The following MCTP2 variants were observed in gnomAD, a reference collection of about 807,000 sequenced individuals.
MCTP2 encodes the protein multiple C2 and transmembrane domain containing 2.
In MCTP2, 132 loss-of-function variants were observed where a neutral mutation model predicts 111.6. That is an observed-to-expected ratio of 1.18 (90% CI 1.03 to 1.37). The LOEUF (loss-of-function observed/expected upper bound fraction) is 1.37, where lower values mean the gene tolerates loss of function less well. Ranked by LOEUF, MCTP2 falls within the 40% of genes most tolerant of loss-of-function variation. MCTP2 has a pLI of 0.00. For missense variants in MCTP2, 1,183 were observed against 1,067.9 expected (o/e 1.11, Z -1.50); for synonymous variants, 395 against 387.7 (o/e 1.02, Z -0.22).
At chr15:94,369,957 G>A (rs1341307167) in intron 11 of MCTP2, 130 bp from the exon 12 acceptor site, 3 of 515,502 alleles carry the variant, frequency 5.8e-6, no homozygotes, top group Middle Eastern at 6.3e-4. Context: ...ATATATTTTT[G>A]GGGATTTTTT....
At position 94,356,075 on chromosome 15, in the gene MCTP2, C is replaced by G; in HGVS notation, c.1006-62C>G. 2.1e-6 allele frequency: 3 copies of G among 1,401,072 alleles called. No homozygotes were observed. The East Asian group carries it at 8.0e-5, about 38-fold the overall frequency. The allele number at this position is 1,401,072 out of a possible 1,614,324, so 86.8% of individuals were successfully genotyped here. ...TACTGAAAGTTGGAATTCCTATGATCATCAAAGTCACTCTCAGGAATTAGA... is the reference window on the plus strand; with the variant it reads ...TACTGAAAGTTGGAATTCCTATGATGATCAAAGTCACTCTCAGGAATTAGA... On this transcript the variant is annotated intron_variant, in intron 8 of 22. Transcript: ENST00000357742.
chr15:94,265,498 G>C (rs11074259), intron 1 of MCTP2, among the ~76,000 whole-genome samples: 30,269 of 151,974 alleles, frequency 0.2, 3,187 homozygotes, highest in Middle Eastern at 0.24. Context: ...CTTACTTGTA[G>C]ATTATATATA....
chr15:94,409,170 A>T (rs1248672419), intron 17 of MCTP2, among the ~76,000 whole-genome samples: 1 of 152,188 alleles, frequency 6.6e-6, no homozygotes, highest in Non-Finnish European at 1.5e-5. Context: ...ATCAGCTGCC[A>T]GTGCAACTAG....
chr15:94,386,885 A>G (rs537296670), intron 14 of MCTP2, among the ~76,000 whole-genome samples: 21 of 151,046 alleles, frequency 1.4e-4, no homozygotes, highest in African/African-American at 5.0e-4. Context: ...TGTACTACCA[A>G]CAACTGACTT....
chr15:94,273,034 C>G (rs1299819250), intron 1 of MCTP2, among the ~76,000 whole-genome samples: 2 of 152,192 alleles, frequency 1.3e-5, no homozygotes. Context: ...CAGGCTATCC[C>G]TTGAAAACCT....
chr15:94,372,252 G>A (rs987976272), intron 12 of MCTP2, among the ~76,000 whole-genome samples: 2 of 152,182 alleles, frequency 1.3e-5, no homozygotes, highest in Admixed American at 1.3e-4. Context: ...TTGCTATAGT[G>A]AATTGAGGAA....
intron 1 of MCTP2, among the ~76,000 whole-genome samples, chr15:94,235,539 TTAATAA>T (rs1391912522): frequency 6.6e-6 from 1 of 152,142 alleles, no homozygotes; most frequent in Non-Finnish European, 1.5e-5. Context: ...GGAACTGAAA[TTAATAA>T]TAATAGTAAT....
At chr15:94,391,948 T>G (rs1334422114) in intron 14 of MCTP2, among the ~76,000 whole-genome samples, 2 of 152,198 alleles carry the variant, frequency 1.3e-5, no homozygotes, top group Admixed American at 1.3e-4. Flanking sequence ...AATTGCTGCT[T>G]CTTTGAGACA....
intron 13 of MCTP2, 33 bp downstream of exon 13, chr15:94,384,157 T>C: frequency 6.7e-7 from 1 of 1,488,596 alleles, no homozygotes; most frequent in South Asian, 1.1e-5. Flanking sequence ...TTATTTCTGC[T>C]GTGCTTGGAA....
chr15:94,430,408 C>T (rs2083115901), intron 17 of MCTP2, among the ~76,000 whole-genome samples: 1 of 144,432 alleles, frequency 6.9e-6, no homozygotes, highest in South Asian at 2.2e-4. Flanking sequence ...CACACACACA[C>T]ACACACACAC....
chr15:94,310,686 A>G (rs1045211771), intron 2 of MCTP2, among the ~76,000 whole-genome samples: 1 of 151,264 alleles, frequency 6.6e-6, no homozygotes, highest in Non-Finnish European at 1.5e-5. Flanking sequence ...AAATAAAACT[A>G]TTTTATTATA....
chr15:94,337,536 C>T (rs1437188625), intron 4 of MCTP2, among the ~76,000 whole-genome samples: 1 of 150,974 alleles, frequency 6.6e-6, no homozygotes, highest in East Asian at 2.0e-4. Context: ...TAAAGTCTGC[C>T]TCGCCAGAGG....
intron 14 of MCTP2, among the ~76,000 whole-genome samples, chr15:94,390,113 T>C (rs147677674): frequency 0.015 from 682 of 45,688 alleles, 16 homozygotes; most frequent in Admixed American, 0.03. Context: ...TATATATATA[T>C]GTATATATAT....
At chr15:94,470,502 T>A in intron 21 of MCTP2, 60 bp downstream of exon 21, 1 of 1,109,312 alleles carries the variant, frequency 9.0e-7, no homozygotes, top group South Asian at 1.2e-5. Flanking sequence ...AATTACTCAT[T>A]TTTAAAGTGC....
At chr15:94,315,294 G>A (rs1410265646) in intron 3 of MCTP2, among the ~76,000 whole-genome samples, 7 of 152,164 alleles carry the variant, frequency 4.6e-5, no homozygotes, top group Admixed American at 4.6e-4. Flanking sequence ...GGCTAACCTT[G>A]CAAAGATGTA....
intron 2 of MCTP2, among the ~76,000 whole-genome samples, chr15:94,301,779 A>G (rs2075626669): frequency 6.6e-6 from 1 of 151,814 alleles, no homozygotes; most frequent in Admixed American, 6.6e-5. Context: ...AGGCAGGTGT[A>G]AACTTTTTGG....
At chr15:94,396,692 T>G (rs1421447610) in intron 14 of MCTP2, among the ~76,000 whole-genome samples, 4 of 152,206 alleles carry the variant, frequency 2.6e-5, no homozygotes, top group Non-Finnish European at 5.9e-5. Context: ...TAACTAGCAT[T>G]TCTTCTTTCC....
chr15:94,334,409 A>C (rs998868570), intron 4 of MCTP2, among the ~76,000 whole-genome samples: 6 of 152,244 alleles, frequency 3.9e-5, no homozygotes, highest in African/African-American at 9.6e-5. Flanking sequence ...TCTGGGCATT[A>C]ATCTTACCTT....
intron 8 of MCTP2, among the ~76,000 whole-genome samples, chr15:94,354,480 C>T (rs956955083): frequency 1.5e-4 from 23 of 152,098 alleles, no homozygotes; most frequent in Admixed American, 7.2e-4. Flanking sequence ...CCACTTCACT[C>T]GGCACTTCTC....
Sources: gnomAD v4.1 joint callset for allele counts (sites outside exome capture counted in the v4.1 genomes callset) on GRCh38, gnomAD v4.1.1 for gene constraint, MANE v1.5 for transcripts, NCBI Gene and HGNC (gene_info 2026-07-23, HGNC 2026-07-21) for gene names.